The following MAF variants were observed in gnomAD, a reference collection of about 807,000 sequenced individuals.
MAF encodes MAF bZIP transcription factor, also known as transcription factor Maf.
Under a neutral mutation model 22.0 loss-of-function variants are expected in MAF, and 10 were observed. The ratio of observed to expected loss-of-function variants is 0.45; its 90% CI spans 0.28 to 0.77. The LOEUF (loss-of-function observed/expected upper bound fraction) is 0.77. Among genes scored for constraint, MAF ranks in the 30% least tolerant of loss-of-function variants. MAF has a pLI of 0.12. For missense variants in MAF, 544 were observed against 548.4 expected (o/e 0.99, Z 0.08); for synonymous variants, 337 against 255.8 (o/e 1.32, Z -3.03).
the MAF span, among the ~76,000 whole-genome samples, chr16:79,389,034 A>G: frequency 6.6e-6 from 1 of 152,244 alleles, no homozygotes; most frequent in African/African-American, 2.4e-5. Context: ...TTCAGAAACA[A>G]TAATTCACTG....
the MAF span, among the ~76,000 whole-genome samples, chr16:79,537,295 T>C: frequency 1.3e-5 from 2 of 152,222 alleles, no homozygotes; most frequent in Non-Finnish European, 1.5e-5. Flanking sequence ...CAAATACACA[T>C]TGATACTGAT....
the MAF span, among the ~76,000 whole-genome samples, chr16:79,238,774 C>G: frequency 6.6e-6 from 1 of 151,870 alleles, no homozygotes; most frequent in South Asian, 2.1e-4. Flanking sequence ...AATGGGTAGG[C>G]TGTATTTTTA....
chr16:79,486,426 G>C, the MAF span, among the ~76,000 whole-genome samples: 1 of 152,030 alleles, frequency 6.6e-6, no homozygotes, highest in African/African-American at 2.4e-5. Flanking sequence ...AGAAAATACA[G>C]ATGTAAGCCA....
the MAF span, among the ~76,000 whole-genome samples, chr16:79,314,566 G>A: frequency 0.04 from 6,115 of 152,206 alleles, 214 homozygotes; most frequent in East Asian, 0.2. Flanking sequence ...TAAGGGGATG[G>A]CAGGTCCCTA....
chr16:79,366,159 C>T, the MAF span, among the ~76,000 whole-genome samples: 1 of 152,170 alleles, frequency 6.6e-6, no homozygotes, highest in African/African-American at 2.4e-5. Context: ...TGGTGGCAAG[C>T]TTTGCCCAAG....
chr16:79,258,763 G>A, the MAF span, among the ~76,000 whole-genome samples: 1 of 152,148 alleles, frequency 6.6e-6, no homozygotes, highest in Non-Finnish European at 1.5e-5. Context: ...CTCCCTTCAA[G>A]AGCCTGCTCC....
the MAF span, among the ~76,000 whole-genome samples, chr16:79,365,318 T>A: frequency 6.6e-6 from 1 of 152,216 alleles, no homozygotes; most frequent in African/African-American, 2.4e-5. Context: ...TTTTAGCAGC[T>A]GTAGTTTCAC....
the MAF span, among the ~76,000 whole-genome samples, chr16:79,478,280 A>C: frequency 6.6e-6 from 1 of 152,172 alleles, no homozygotes; most frequent in Admixed American, 6.5e-5. Flanking sequence ...CTGTGTCCAC[A>C]CTTTACAGGG....
chr16:79,232,454 T>C, the MAF span, among the ~76,000 whole-genome samples: 1 of 152,074 alleles, frequency 6.6e-6, no homozygotes, highest in African/African-American at 2.4e-5. Context: ...GACTCGACAA[T>C]TTCTCTTTTA....
the MAF span, among the ~76,000 whole-genome samples, chr16:79,324,801 G>C: frequency 1.3e-5 from 2 of 152,168 alleles, no homozygotes; most frequent in Non-Finnish European, 2.9e-5. Context: ...CCACAAACTT[G>C]GTGGCTTAAA....
chr16:79,579,980 G>GT, the MAF span, among the ~76,000 whole-genome samples: 31 of 152,036 alleles, frequency 2.0e-4, no homozygotes, highest in Middle Eastern at 3.4e-3. Flanking sequence ...GCGATGGCAT[G>GT]TTTTTTTTAT....
the MAF span, among the ~76,000 whole-genome samples, chr16:79,476,527 G>T: frequency 1.7e-4 from 26 of 152,184 alleles, no homozygotes; most frequent in Non-Finnish European, 5.9e-5. Flanking sequence ...ACCTGGATTT[G>T]ACTCCCAACT....
chr16:79,398,811 C>G, the MAF span, among the ~76,000 whole-genome samples: 1 of 152,164 alleles, frequency 6.6e-6, no homozygotes, highest in Non-Finnish European at 1.5e-5. Flanking sequence ...CTACTCAACC[C>G]CAAGACTAGG....
the MAF span, among the ~76,000 whole-genome samples, chr16:79,543,560 T>C: frequency 8.8e-4 from 134 of 152,304 alleles, no homozygotes; most frequent in Non-Finnish European, 1.4e-3. Flanking sequence ...ACAAAATTCC[T>C]TTCCTTTGTC....
chr16:79,210,360 C>T, the MAF span, among the ~76,000 whole-genome samples: 3 of 152,280 alleles, frequency 2.0e-5, no homozygotes, highest in East Asian at 5.8e-4. Flanking sequence ...AGAATGCAAG[C>T]ATAGTGATTG....
the MAF span, among the ~76,000 whole-genome samples, chr16:79,463,146 G>C: frequency 1.3e-5 from 2 of 152,166 alleles, no homozygotes; most frequent in Non-Finnish European, 2.9e-5. Context: ...AGATGAGCTT[G>C]GCCTGTTTAT....
the MAF span, among the ~76,000 whole-genome samples, chr16:79,283,777 T>C: frequency 6.6e-6 from 1 of 152,132 alleles, no homozygotes; most frequent in Non-Finnish European, 1.5e-5. Flanking sequence ...GCACAGAACC[T>C]GCACGCTGCT....
chr16:79,460,885 A>G, the MAF span, among the ~76,000 whole-genome samples: 2 of 152,210 alleles, frequency 1.3e-5, no homozygotes, highest in African/African-American at 2.4e-5. Context: ...GTTGATATGT[A>G]GATGATCGAT....
chr16:79,420,335 G>C, the MAF span, among the ~76,000 whole-genome samples: 1 of 152,196 alleles, frequency 6.6e-6, no homozygotes, highest in Non-Finnish European at 1.5e-5. Context: ...AGCAGCGACG[G>C]CAGACAAAAC....
Sources: gnomAD v4.1 joint callset for allele counts (sites outside exome capture counted in the v4.1 genomes callset) on GRCh38, gnomAD v4.1.1 for gene constraint, MANE v1.5 for transcripts, NCBI Gene and HGNC (gene_info 2026-07-23, HGNC 2026-07-21) for gene names.